Variants in RAB3GAP2 observed in about 807,000 individuals in gnomAD.
RAB3GAP2 encodes RAB3 GTPase activating non-catalytic protein subunit 2.
A neutral mutation model predicts 185.3 loss-of-function variants in RAB3GAP2; 87 were observed. The ratio of observed to expected loss-of-function variants is 0.47; its 90% CI spans 0.39 to 0.56. The LOEUF is 0.56. Ranked by LOEUF, RAB3GAP2 falls within the 20% of genes least tolerant of loss-of-function variation. The pLI is 0.00. For missense variants in RAB3GAP2, 1,492 were observed against 1,638.2 expected, an observed-to-expected ratio of 0.91 and a Z score of 1.54; for synonymous variants, 554 against 576.1, an observed-to-expected ratio of 0.96 and a Z score of 0.55.
rs10526805 is a variant in RAB3GAP2 at position 220,214,946 on chromosome 1, TTATATATATATATATA to T, written c.181-983_181-968del. Among the ~76,000 whole-genome samples, 42 of 89,624 alleles carry T rather than the reference TTATATATATATATATA, an allele frequency of 4.7e-4. 1 individual carries two copies. Among genetic ancestry groups the T allele is most frequent in the African/African-American group, 2.0e-3 (41 of 20,878 alleles). The allele number at this position is 89,624 out of a possible 152,430, so 58.8% of individuals were successfully genotyped here. On this transcript the variant is annotated intron_variant, in intron 2 of 34. Coordinates refer to ENST00000358951, the MANE Select transcript of RAB3GAP2 (RefSeq NM_012414.4). ...CCTTTTTCTTACAAGAATAGTAGCATTATATATATATATATATATATATATATATACTTCTATACTT... is the reference window on the plus strand; with the variant it reads ...CCTTTTTCTTACAAGAATAGTAGCATTATATATATATATACTTCTATACTT...
At chr1:220,250,992 C>A (rs1403096912) in intron 1 of RAB3GAP2, among the ~76,000 whole-genome samples, 2 of 152,116 alleles carry the variant, frequency 1.3e-5, no homozygotes, top group Non-Finnish European at 2.9e-5. Flanking sequence ...TGGAGTAATA[C>A]AAGTACTTTG....
chr1:220,190,675 G>T (rs1396153439), intron 14 of RAB3GAP2, among the ~76,000 whole-genome samples, 155 bp from the exon 15 acceptor site: 1 of 152,102 alleles, frequency 6.6e-6, no homozygotes, highest in African/African-American at 2.4e-5. Flanking sequence ...AGTAAAGCAG[G>T]GCTCAACCAG....
intron 1 of RAB3GAP2, among the ~76,000 whole-genome samples, chr1:220,259,039 C>T (rs1296623144): frequency 1.3e-5 from 2 of 152,080 alleles, no homozygotes; most frequent in African/African-American, 2.4e-5. Flanking sequence ...AGTGAAGGAC[C>T]TCTTCAAGGA....
intron 7 of RAB3GAP2, among the ~76,000 whole-genome samples, chr1:220,208,878 G>A (rs1374717494): frequency 1.3e-5 from 2 of 152,130 alleles, no homozygotes; most frequent in African/African-American, 4.8e-5. Flanking sequence ...CGCCATGCCC[G>A]GCTAATTTTT....
rs1657975686 is a variant in RAB3GAP2, at chr1:220,162,260, G to A, written c.3163C>T (p.Leu1055=). The change falls in exon 28 of 35, where the codon CTG becomes TTG. Residue 1055 remains leucine, a synonymous_variant. Coordinates refer to ENST00000358951, the MANE Select transcript of RAB3GAP2 (RefSeq NM_012414.4). The part of the protein sequence containing the change: ...FNAHVQNGIA[L]MMWNTFLVKR... ...ACTAAGAACGTATTCCACATCATCA[G>A]TGCAATGCCTAGATAGCAAGTAAAA... The A allele has an allele frequency of 1.3e-6, 2 of 1,590,018 alleles. No homozygotes were observed.
At chr1:220,268,547 C>T (rs1660274557) in intron 1 of RAB3GAP2, among the ~76,000 whole-genome samples, 1 of 152,182 alleles carries the variant, frequency 6.6e-6, no homozygotes, top group Non-Finnish European at 1.5e-5. Context: ...ACAAAGTACA[C>T]ATTGCTTTCA....
intron 7 of RAB3GAP2, among the ~76,000 whole-genome samples, chr1:220,206,234 A>G (rs542369167): frequency 1.3e-5 from 2 of 152,310 alleles, no homozygotes; most frequent in Non-Finnish European, 2.9e-5. Context: ...TAATTATCTC[A>G]AAGATGCTGA....
At chr1:220,258,461 A>G (rs111942096) in intron 1 of RAB3GAP2, among the ~76,000 whole-genome samples, 1 of 152,086 alleles carries the variant, frequency 6.6e-6, no homozygotes, top group Non-Finnish European at 1.5e-5. Flanking sequence ...GATTTATCAC[A>G]TAAACAGAAC....
chr1:220,250,197 G>C (rs756499532), intron 1 of RAB3GAP2, among the ~76,000 whole-genome samples: 2 of 152,228 alleles, frequency 1.3e-5, no homozygotes, highest in East Asian at 1.9e-4. Flanking sequence ...AAGCCACAGG[G>C]GGGGAGCTGC....
intron 1 of RAB3GAP2, among the ~76,000 whole-genome samples, chr1:220,258,355 A>C (rs901369587): frequency 6.6e-6 from 1 of 152,182 alleles, no homozygotes; most frequent in East Asian, 1.9e-4. Context: ...TGGCAAATTG[A>C]ATCCAGCATC....
chr1:220,230,198 C>T (rs1360838055), intron 2 of RAB3GAP2, among the ~76,000 whole-genome samples: 1 of 152,164 alleles, frequency 6.6e-6, no homozygotes, highest in Non-Finnish European at 1.5e-5. Context: ...AACAGTATGT[C>T]CCCCTCCCCA....
intron 1 of RAB3GAP2, among the ~76,000 whole-genome samples, chr1:220,264,165 C>A (rs1480227691): frequency 6.6e-6 from 1 of 151,812 alleles, no homozygotes; most frequent in Admixed American, 6.6e-5. Flanking sequence ...ATTATCAGTA[C>A]AAAACTCTCT....
chr1:220,200,380 T>A (rs1031660092), intron 9 of RAB3GAP2, among the ~76,000 whole-genome samples: 2 of 152,212 alleles, frequency 1.3e-5, no homozygotes, highest in African/African-American at 2.4e-5. Context: ...ATTCATTTAG[T>A]TTATTGTTTG....
rs909062121 is a variant in RAB3GAP2, at chr1:220,257,461, G to A, written c.115+14762C>T. Among the ~76,000 whole-genome samples the A allele has an allele frequency of 3.3e-5, 5 of 151,734 alleles. No homozygotes were observed. In the East Asian group the frequency reaches 7.7e-4, roughly 23 times the overall value. On this transcript the variant is annotated intron_variant, in intron 1 of 34. Coordinates refer to ENST00000358951, the MANE Select transcript of RAB3GAP2 (RefSeq NM_012414.4). ...CAACCAGAAGCAAATTGAACAACCT[G>A]CTCCTGAATGACTTTTGGGTAAACA...
intron 1 of RAB3GAP2, among the ~76,000 whole-genome samples, chr1:220,260,739 C>T (rs1660119513): frequency 6.6e-6 from 1 of 152,010 alleles, no homozygotes; most frequent in Non-Finnish European, 1.5e-5. Context: ...ACATGCATCC[C>T]TGAACTTAAA....
chr1:220,267,433 C>G, intron 1 of RAB3GAP2: 1 of 1,362,300 alleles, frequency 7.3e-7, no homozygotes. Context: ...AAATAACACC[C>G]TAAGAGCCAG....
At chr1:220,227,684 C>A (rs1659426063) in intron 2 of RAB3GAP2, among the ~76,000 whole-genome samples, 1 of 152,180 alleles carries the variant, frequency 6.6e-6, no homozygotes. Flanking sequence ...GAAAAGTTTA[C>A]CCTCTTCTGG....
intron 30 of RAB3GAP2, 133 bp downstream of exon 30, chr1:220,157,669 G>C (rs1167430279): frequency 9.5e-7 from 1 of 1,048,550 alleles, no homozygotes; most frequent in East Asian, 2.6e-5. Context: ...ACTACCTTCT[G>C]GGCTCAAGTC....
chr1:220,240,179 C>T lies in RAB3GAP2; in HGVS notation c.116-7316G>A, dbSNP rs1659664757. Among the ~76,000 whole-genome samples, 4 of 152,122 alleles carry T rather than the reference C, an allele frequency of 2.6e-5. No individual in the cohort carries two copies. The South Asian group carries it at 8.3e-4, about 31-fold the overall frequency. On this transcript the variant is annotated intron_variant, in intron 1 of 34. Coordinates refer to ENST00000358951, the MANE Select transcript of RAB3GAP2 (RefSeq NM_012414.4). ...CTCAGGTCTTGTTACTTTCATGCTA[C>T]GATTCACATCCATAGGAGACGTTTA... is the stretch of plus-strand genomic sequence containing the variant.
Sources: allele counts gnomAD v4.1 joint callset (sites outside exome capture counted in the v4.1 genomes callset), GRCh38; gene constraint gnomAD v4.1.1; transcripts MANE v1.5; gene names NCBI Gene and HGNC (gene_info 2026-07-23, HGNC 2026-07-21).